Variants in ANO5 observed in about 807,000 individuals in gnomAD.
The protein encoded by ANO5 is anoctamin-5.
A neutral mutation model predicts 121.0 loss-of-function variants in ANO5; 109 were observed. The ratio of observed to expected loss-of-function variants is 0.90; its 90% CI spans 0.77 to 1.06. ANO5 has a LOEUF of 1.06. ANO5 is among the 50% of genes least tolerant of loss of function. The pLI is 0.00. For synonymous variants in ANO5, 406 were observed against 359.9 expected, an observed-to-expected ratio of 1.13 and a Z score of -1.45; for missense variants, 1,064 against 1,078.5, an observed-to-expected ratio of 0.99 and a Z score of 0.19.
intron 2 of ANO5, among the ~76,000 whole-genome samples, chr11:22,209,083 A>G (rs1055962361): frequency 4.6e-5 from 7 of 152,020 alleles, no homozygotes; most frequent in East Asian, 1.9e-4. Flanking sequence ...TTTACAAGAC[A>G]GAAGTATAAG....
At chr11:22,219,225 T>G (rs1271727174) in intron 4 of ANO5, among the ~76,000 whole-genome samples, 2 of 152,026 alleles carry the variant, frequency 1.3e-5, no homozygotes, top group African/African-American at 4.8e-5. Flanking sequence ...ATGATAGAAA[T>G]TTGTGTTTTC....
intron 9 of ANO5, among the ~76,000 whole-genome samples, chr11:22,241,877 G>T (rs540983326): frequency 6.6e-6 from 1 of 152,154 alleles, no homozygotes; most frequent in East Asian, 1.9e-4. Flanking sequence ...CTGTGCAGAA[G>T]CTCTTTAGTT....
intron 17 of ANO5, among the ~76,000 whole-genome samples, chr11:22,267,539 T>TA (rs1854414067): frequency 1.4e-5 from 2 of 148,060 alleles, no homozygotes; most frequent in African/African-American, 5.2e-5. Flanking sequence ...CTATCTACAA[T>TA]TATACCAAGT....
Position 22,250,297 on chromosome 11 carries a change from G to A in ANO5, c.939G>A (p.Met313Ile), listed in dbSNP as rs996840535. 1.2e-6 allele frequency: 2 copies of A among 1,611,186 alleles called. No individual in the cohort carries two copies. The highest frequency in any genetic ancestry group is 1.7e-5 in the Admixed American group (1 of 59,898). ...TCTTTCTTGGATTTTACACAGAAAT[G>A]CTATTCTTTGCAGCTGTAGTTGGCT... ...YFVFLGFYTEMLFFAAVVGLA... is the reference protein window; with the variant it reads ...YFVFLGFYTEILFFAAVVGLA... The change falls in exon 10 of 22, where the codon ATG (methionine) becomes ATA (isoleucine). Residue 313 changes from methionine to isoleucine, a missense_variant. Physicochemically the swap from Met to Ile is conservative, Grantham distance 10. Coordinates refer to ENST00000324559, the MANE Select transcript of ANO5 (RefSeq NM_213599.3).
chr11:22,250,768 T>C lies in ANO5; in HGVS notation c.1041T>C (p.Gly347=). The part of the protein sequence containing the change: ...SSTEICDPEI[G]GQMIMCPLCD... ...CTGAAATCTGTGACCCTGAGATTGG[T>C]GGTCAGATGATCATGTGCCCACTCT... The change falls in exon 11 of 22, where the codon GGT becomes GGC. Residue 347 remains glycine, a synonymous_variant. Coordinates refer to ENST00000324559, the MANE Select transcript of ANO5 (RefSeq NM_213599.3). 6.2e-7 allele frequency: 1 copy of C among 1,614,034 alleles called. No individual in the cohort carries two copies. Among genetic ancestry groups the C allele is most frequent in the Non-Finnish European group, 8.5e-7 (1 of 1,179,926 alleles).
chr11:22,193,057 G>C (rs901515865), upstream of ANO5: 1 of 1,029,514 alleles, frequency 9.7e-7, no homozygotes, highest in Non-Finnish European at 1.2e-6. Flanking sequence ...CAGCGAAGGG[G>C]AAAGGAAAGC....
chr11:22,227,949 G>A (rs747093042), intron 7 of ANO5, among the ~76,000 whole-genome samples: 4 of 151,990 alleles, frequency 2.6e-5, no homozygotes, highest in Admixed American at 1.3e-4. Context: ...GCATAGTAAA[G>A]GAACTATCAT....
At chr11:22,218,439 A>G in intron 4 of ANO5, 152 bp downstream of exon 4, 3 of 1,025,570 alleles carry the variant, frequency 2.9e-6, no homozygotes, top group Non-Finnish European at 4.5e-6. Context: ...AGTGATTCTT[A>G]ATTTGTTCTG....
Position 22,273,000 on chromosome 11 carries a change from C to G in ANO5, c.2235+11C>G. On this transcript the variant is annotated intron_variant, in intron 19 of 21. Coordinates refer to ENST00000324559, the MANE Select transcript of ANO5 (RefSeq NM_213599.3). Reference sequence around the variant, plus strand: ...TCTGTTGCAACTAATGTAAGTGGACCTATTTCGGTGGGGTGACTTTGTATT... The same window carrying G: ...TCTGTTGCAACTAATGTAAGTGGACGTATTTCGGTGGGGTGACTTTGTATT... The G allele has an allele frequency of 6.2e-7, 1 of 1,611,852 alleles. No individual in the cohort carries two copies. The highest frequency in any genetic ancestry group is 8.5e-7 in the Non-Finnish European group (1 of 1,178,172).
chr11:22,204,265 G>A (rs1296306852), intron 2 of ANO5, among the ~76,000 whole-genome samples: 2 of 151,890 alleles, frequency 1.3e-5, no homozygotes, highest in Non-Finnish European at 2.9e-5. Flanking sequence ...ACATTAAATA[G>A]AATAATAAAT....
chr11:22,192,869 T>G (rs990171896), upstream of ANO5: 5 of 587,532 alleles, frequency 8.5e-6, no homozygotes, highest in Non-Finnish European at 8.6e-6. Flanking sequence ...GGAGGCTGCA[T>G]GTCCGGAGGA....
intron 20 of ANO5, 128 bp from the exon 21 acceptor site, chr11:22,275,966 A>ACTT: frequency 1.5e-6 from 1 of 682,694 alleles, no homozygotes; most frequent in South Asian, 1.7e-5. Context: ...ATATCAGTTA[A>ACTT]CTTTGACCTG....
intron 7 of ANO5, among the ~76,000 whole-genome samples, chr11:22,228,573 C>G (rs553565816): frequency 6.6e-6 from 1 of 152,002 alleles, no homozygotes; most frequent in East Asian, 1.9e-4. Context: ...TGCAATAGAA[C>G]ACCAGAACTT....
chr11:22,273,042 G>A (rs1243444133), intron 19 of ANO5, 53 bp downstream of exon 19: 2 of 1,511,048 alleles, frequency 1.3e-6, no homozygotes, highest in East Asian at 2.3e-5. Context: ...TGGGGGGTGT[G>A]GGGAGATGTG....
chr11:22,260,090 TC>T (rs1854144940), intron 15 of ANO5, among the ~76,000 whole-genome samples: 1 of 152,222 alleles, frequency 6.6e-6, no homozygotes, highest in Non-Finnish European at 1.5e-5. Context: ...TGTGTATGGT[TC>T]TTATAAAGTA....
intron 17 of ANO5, 97 bp from the exon 18 acceptor site, chr11:22,270,215 C>T: frequency 6.9e-7 from 1 of 1,454,830 alleles, no homozygotes; most frequent in Non-Finnish European, 9.5e-7. Context: ...GTTATTTAAT[C>T]TCTAATTTCT....
intron 5 of ANO5, among the ~76,000 whole-genome samples, chr11:22,225,269 G>A (rs573215092): frequency 6.6e-6 from 1 of 152,130 alleles, no homozygotes; most frequent in East Asian, 1.9e-4. Flanking sequence ...GCCAGCCTGG[G>A]CAGATAATGA....
At chr11:22,205,408 C>A (rs528762580) in intron 2 of ANO5, among the ~76,000 whole-genome samples, 1 of 151,924 alleles carries the variant, frequency 6.6e-6, no homozygotes, top group Non-Finnish European at 1.5e-5. Flanking sequence ...AATATGAGAA[C>A]CAGAGGGAAC....
In ANO5 at chr11:22,281,563, A is replaced by G. The variant is rs1855081241; in HGVS notation, c.*1798A>G. ...TTACCATGATGTGTGCAACCAATGT[A>G]GGATCTTTGGCTTGTCAAATCAGAT... On this transcript the variant is annotated 3_prime_UTR_variant, in exon 22 of 22. Transcript: ENST00000324559. 1 of 152,100 alleles carries G rather than the reference A, an allele frequency of 6.6e-6. No individual in the cohort carries two copies. Among genetic ancestry groups the G allele is most frequent in the Non-Finnish European group, 1.5e-5 (1 of 67,956 alleles). 9.4% of individuals were successfully genotyped at this position (152,100 alleles called of 1,614,324 possible). A position where few individuals can be genotyped will look rare whatever the true frequency, so the allele number is the denominator to read the frequency against.
Sources: gnomAD v4.1 joint callset for allele counts (sites outside exome capture counted in the v4.1 genomes callset) on GRCh38, gnomAD v4.1.1 for gene constraint, MANE v1.5 for transcripts, NCBI Gene and HGNC (gene_info 2026-07-23, HGNC 2026-07-21) for gene names.